Variants in SERP2 observed in about 807,000 individuals in gnomAD.
SERP2 encodes the protein stress-associated endoplasmic reticulum protein 2.
A neutral mutation model predicts 9.1 loss-of-function variants in SERP2; 6 were observed. The ratio of observed to expected loss-of-function variants is 0.66; its 90% CI spans 0.36 to 1.30. The LOEUF (loss-of-function observed/expected upper bound fraction) is 1.30, where lower values mean the gene tolerates loss of function less well. SERP2 is among the 50% of genes most tolerant of loss of function. The probability of loss-of-function intolerance (pLI) is 0.03; values close to 1 mark genes in which losing one functional copy is unlikely to be tolerated. For missense variants in SERP2, 58 were observed against 81.9 expected (o/e 0.71, Z 1.13); for synonymous variants, 37 against 27.3 (o/e 1.35, Z -1.10).
chr13:44,391,021 T>C (rs958446992), intron 2 of SERP2: 1 of 152,234 alleles, frequency 6.6e-6, no homozygotes, highest in Admixed American at 6.5e-5. Flanking sequence ...TCTCTTAATC[T>C]CTCTTCTCAG....
chr13:44,393,236 T>C (rs762470585), intron 2 of SERP2, among the ~76,000 whole-genome samples: 1 of 152,134 alleles, frequency 6.6e-6, no homozygotes, highest in Non-Finnish European at 1.5e-5. Flanking sequence ...AAAGTGAGCA[T>C]AGACAGCTCT....
upstream of SERP2, chr13:44,373,798 G>A: frequency 2.1e-6 from 1 of 483,854 alleles, no homozygotes; most frequent in Non-Finnish European, 3.6e-6. The surrounding 1 kb of genome is among the most constrained non-coding windows in gnomAD (Gnocchi z 4.8). Flanking sequence ...GAGGAAGTCG[G>A]AAAGGGTTTC....
At position 44,397,271 on chromosome 13, in the gene SERP2, G is replaced by C; in HGVS notation, c.158-1G>C. 1.2e-6 allele frequency: 2 copies of C among 1,613,732 alleles called. No homozygotes were observed. On this transcript the variant is annotated splice_acceptor_variant, in intron 2 of 2. Coordinates refer to ENST00000379179, the MANE Select transcript of SERP2 (RefSeq NM_001010897.3). LOFTEE classifies it high-confidence loss of function. The stretch of plus-strand genomic sequence containing the variant: ...GAGCTGTGGTGTTTTCCTCTTTTCA[G>C]CTATCTTTCAGATCATTCAGAGCAT...
rs146157201 is a variant in SERP2 at position 44,393,012 on chromosome 13, A to G, written c.158-4260A>G. ...GAGGAAAATTAGAACCTAGAAGACC[A>G]TGGTTTCACAGAGGCCAAGGGAAGA... On this transcript the variant is annotated intron_variant, in intron 2 of 2. Coordinates refer to ENST00000379179, the MANE Select transcript of SERP2 (RefSeq NM_001010897.3). Among the ~76,000 whole-genome samples, 284 of 141,634 alleles carry G rather than the reference A, an allele frequency of 2.0e-3. 3 individuals carry two copies. Among genetic ancestry groups the G allele is most frequent in the Middle Eastern group, 0.011 (3 of 276 alleles). The allele number at this position is 141,634 out of a possible 152,430, so 92.9% of individuals were successfully genotyped here. A position where few individuals can be genotyped will look rare whatever the true frequency, so the allele number is the denominator to read the frequency against.
intron 2 of SERP2, among the ~76,000 whole-genome samples, chr13:44,380,144 C>CCCAA (rs1749256859): frequency 6.6e-6 from 1 of 152,172 alleles, no homozygotes; most frequent in South Asian, 2.1e-4. Flanking sequence ...GAGCCTTTGA[C>CCCAA]CCAAGCCTTA....
intron 2 of SERP2, among the ~76,000 whole-genome samples, chr13:44,393,446 G>A (rs547683733): frequency 5.8e-4 from 89 of 152,276 alleles, no homozygotes; most frequent in Non-Finnish European, 1.1e-3. Flanking sequence ...ACACAGGTAG[G>A]AGGATGCAGA....
intron 1 of SERP2, among the ~76,000 whole-genome samples, chr13:44,376,439 C>T (rs926713755): frequency 8.5e-5 from 13 of 152,082 alleles, no homozygotes; most frequent in African/African-American, 1.9e-4. Context: ...TAATAGCTTA[C>T]GGATAAATTA....
chr13:44,397,453 C>A lies in SERP2; in HGVS notation c.*141C>A. On this transcript the variant is annotated 3_prime_UTR_variant, in exon 3 of 3. Transcript: ENST00000379179. ...CCCACTTGTTCCCTGATCACTTCATCGTGGATGTCAGACCAAATTGCCTTC... is the reference window on the plus strand; with the variant it reads ...CCCACTTGTTCCCTGATCACTTCATAGTGGATGTCAGACCAAATTGCCTTC... 1 of 674,958 alleles carries A rather than the reference C, an allele frequency of 1.5e-6. No individual in the cohort carries two copies. The highest frequency in any genetic ancestry group is 1.7e-5 in the South Asian group (1 of 58,302). 41.8% of individuals were successfully genotyped at this position (674,958 alleles called of 1,614,324 possible).
chr13:44,382,252 C>G (rs200866133), intron 2 of SERP2, among the ~76,000 whole-genome samples: 1 of 151,386 alleles, frequency 6.6e-6, no homozygotes, highest in Non-Finnish European at 1.5e-5. Flanking sequence ...CTGGCTAACA[C>G]GATGAAGCCC....
In SERP2 at chr13:44,397,430, C is replaced by A. The variant is rs553459263; in HGVS notation, c.*118C>A. 1.7e-5 allele frequency: 13 copies of A among 763,556 alleles called. No individual in the cohort carries two copies. Among genetic ancestry groups the A allele is most frequent in the Non-Finnish European group, 2.7e-5 (12 of 442,094 alleles). 47.3% of individuals were successfully genotyped at this position (763,556 alleles called of 1,614,324 possible). A position where few individuals can be genotyped will look rare whatever the true frequency, so the allele number is the denominator to read the frequency against. ...CACGGAATAGAAAAAAACGCTCCCC[C>A]ACTTGTTCCCTGATCACTTCATCGT... is the stretch of plus-strand genomic sequence containing the variant. On this transcript the variant is annotated 3_prime_UTR_variant, in exon 3 of 3. Transcript: ENST00000379179.
rs111830750 is a variant in SERP2 at position 44,394,780 on chromosome 13, C to T, written c.158-2492C>T. Among the ~76,000 whole-genome samples the T allele has an allele frequency of 9.2e-3, 1,407 of 152,304 alleles. 18 individuals carry two copies. The highest frequency in any genetic ancestry group is 0.014 in the Non-Finnish European group (981 of 68,038). On this transcript the variant is annotated intron_variant, in intron 2 of 2. Transcript: ENST00000379179. ...GTAGGCTGGCAGATAGTGCTAAGCA[C>T]TGGTCTGCATGCTGGGACAGGGAGA...
intron 2 of SERP2, chr13:44,391,203 C>CA (rs1183975684): frequency 6.6e-6 from 1 of 152,172 alleles, no homozygotes; most frequent in Non-Finnish European, 1.5e-5. Context: ...GGTCAGTCCC[C>CA]AGGGTGAGAG....
intron 2 of SERP2, among the ~76,000 whole-genome samples, chr13:44,386,485 G>C (rs1286811085): frequency 1.3e-5 from 2 of 152,214 alleles, no homozygotes; most frequent in Non-Finnish European, 2.9e-5. Flanking sequence ...CTGGGTTCAA[G>C]TGATTCTCCT....
intron 2 of SERP2, among the ~76,000 whole-genome samples, chr13:44,384,633 T>C (rs1277048149): frequency 6.6e-6 from 1 of 152,222 alleles, no homozygotes; most frequent in African/African-American, 2.4e-5. Context: ...TGCAGACAGA[T>C]AGACCCTTTT....
chr13:44,390,851 C>CA (rs1329114256), intron 2 of SERP2: 1 of 153,630 alleles, frequency 6.5e-6, no homozygotes, highest in Non-Finnish European at 1.4e-5. Flanking sequence ...ATCCACTTTG[C>CA]AATGTCTCGT....
At chr13:44,396,992 CTCT>C (rs1028757386) in intron 2 of SERP2, among the ~76,000 whole-genome samples, 1 of 152,242 alleles carries the variant, frequency 6.6e-6, no homozygotes, top group Non-Finnish European at 1.5e-5. Flanking sequence ...GGGGCCAAAT[CTCT>C]TCTCAGTGCC....
intron 1 of SERP2, among the ~76,000 whole-genome samples, chr13:44,376,277 T>C (rs1462818908): frequency 2.0e-5 from 3 of 152,264 alleles, no homozygotes; most frequent in Non-Finnish European, 2.9e-5. Flanking sequence ...AATATGATTA[T>C]ACTTTGTTAA....
At chr13:44,380,038 T>C (rs755893780) in intron 2 of SERP2, among the ~76,000 whole-genome samples, 12 of 152,226 alleles carry the variant, frequency 7.9e-5, no homozygotes, top group Non-Finnish European at 1.2e-4. Flanking sequence ...AACACCTGTG[T>C]GCCTGTGATA....
At chr13:44,375,055 C>A (rs1871568378) in intron 1 of SERP2, among the ~76,000 whole-genome samples, 1 of 152,026 alleles carries the variant, frequency 6.6e-6, no homozygotes, top group South Asian at 2.1e-4. Context: ...AGGCATGAGT[C>A]GCATGGGTAG....
Sources: allele counts gnomAD v4.1 joint callset (sites outside exome capture counted in the v4.1 genomes callset), GRCh38; gene constraint gnomAD v4.1.1; non-coding constraint Gnocchi (gnomAD v3.1); transcripts MANE v1.5; gene names NCBI Gene and HGNC (gene_info 2026-07-23, HGNC 2026-07-21).